The following ULK4 variants were observed in gnomAD, a reference collection of about 807,000 sequenced individuals.
ULK4 encodes the protein inactive serine/threonine-protein kinase ULK4.
In ULK4, 133 loss-of-function variants were observed where a neutral mutation model predicts 160.6. That is an observed-to-expected ratio of 0.83 (90% CI 0.72 to 0.96). The LOEUF is 0.96. Among genes scored for constraint, ULK4 ranks in the 40% least tolerant of loss-of-function variants. The pLI is 0.00. For synonymous variants in ULK4, 534 were observed against 539.8 expected (o/e 0.99, Z 0.15); for missense variants, 1,580 against 1,499.5 (o/e 1.05, Z -0.89).
At chr3:41,794,872 G>C (rs2040259098) in intron 20 of ULK4, among the ~76,000 whole-genome samples, 1 of 151,930 alleles carries the variant, frequency 6.6e-6, no homozygotes, top group South Asian at 2.1e-4. Context: ...GAAACAGCAA[G>C]GAGGAAAGGT....
chr3:41,453,887 T>C (rs1440347443), intron 34 of ULK4, among the ~76,000 whole-genome samples: 1 of 151,772 alleles, frequency 6.6e-6, no homozygotes, highest in East Asian at 1.9e-4. Context: ...GGGACATGGA[T>C]GAAGCTGGAA....
chr3:41,313,371 A>C (rs2080086822), intron 35 of ULK4, among the ~76,000 whole-genome samples: 1 of 152,198 alleles, frequency 6.6e-6, no homozygotes, highest in Non-Finnish European at 1.5e-5. Flanking sequence ...AAAAGTAATA[A>C]ATTTAGTGCT....
intron 34 of ULK4, among the ~76,000 whole-genome samples, chr3:41,443,375 C>G (rs575491878): frequency 6.6e-6 from 1 of 152,296 alleles, no homozygotes; most frequent in South Asian, 2.1e-4. Context: ...ACAGACTTAT[C>G]ACTAGGGGAC....
intron 21 of ULK4, among the ~76,000 whole-genome samples, chr3:41,761,711 T>C (rs2038991016): frequency 6.6e-6 from 1 of 152,126 alleles, no homozygotes; most frequent in Non-Finnish European, 1.5e-5. Flanking sequence ...AAGTTGATCA[T>C]ATAACAGATC....
chr3:41,441,766 T>C (rs1422191810), intron 34 of ULK4, among the ~76,000 whole-genome samples: 3 of 152,146 alleles, frequency 2.0e-5, no homozygotes, highest in Non-Finnish European at 4.4e-5. Context: ...TCATCTCTTC[T>C]ATCAATTATT....
At chr3:41,950,036 C>T (rs377065007) in intron 2 of ULK4, among the ~76,000 whole-genome samples, 22 of 151,782 alleles carry the variant, frequency 1.4e-4, no homozygotes, top group African/African-American at 4.3e-4. Context: ...ACACCTGGCA[C>T]GGTCTGATGA....
chr3:41,443,286 C>G (rs1028063672), intron 34 of ULK4, among the ~76,000 whole-genome samples: 2 of 152,208 alleles, frequency 1.3e-5, no homozygotes, highest in African/African-American at 4.8e-5. Flanking sequence ...CCCACATTAT[C>G]ATTTTTAATT....
intron 18 of ULK4, among the ~76,000 whole-genome samples, chr3:41,830,065 A>C (rs1395769926): frequency 1.3e-5 from 2 of 151,978 alleles, no homozygotes; most frequent in African/African-American, 4.8e-5. Flanking sequence ...CAAACACCGC[A>C]TGTTCTCACT....
At chr3:41,319,459 A>T (rs1343908117) in intron 35 of ULK4, among the ~76,000 whole-genome samples, 2 of 152,214 alleles carry the variant, frequency 1.3e-5, no homozygotes, top group Admixed American at 1.3e-4. Flanking sequence ...CAATTTCAAG[A>T]GTCCAGATCA....
At chr3:41,626,535 T>C (rs1198771438) in intron 30 of ULK4, among the ~76,000 whole-genome samples, 1 of 151,474 alleles carries the variant, frequency 6.6e-6, no homozygotes, top group Non-Finnish European at 1.5e-5. Context: ...ATTGCTTTTT[T>C]TTTTTTTTTT....
intron 17 of ULK4, among the ~76,000 whole-genome samples, chr3:41,842,667 C>T (rs769930652): frequency 5.3e-5 from 8 of 152,210 alleles, no homozygotes; most frequent in Non-Finnish European, 1.2e-4. Context: ...GTGGAAACAG[C>T]CTGAAGCCCT....
intron 12 of ULK4, among the ~76,000 whole-genome samples, chr3:41,906,429 T>C (rs1698564225): frequency 6.6e-6 from 1 of 152,060 alleles, no homozygotes; most frequent in South Asian, 2.1e-4. Flanking sequence ...CTTGGCAGAC[T>C]AAGGCAGGAC....
intron 35 of ULK4, among the ~76,000 whole-genome samples, chr3:41,313,456 A>AT (rs2080088569): frequency 6.6e-6 from 1 of 152,196 alleles, no homozygotes; most frequent in African/African-American, 2.4e-5. Flanking sequence ...GACTATTAAC[A>AT]TTCTTAAAGA....
intron 35 of ULK4, among the ~76,000 whole-genome samples, chr3:41,253,272 C>T (rs897190409): frequency 2.0e-5 from 3 of 151,820 alleles, no homozygotes; most frequent in South Asian, 2.1e-4. Flanking sequence ...TCTTTAAAAG[C>T]TGTTTAATAG....
At chr3:41,602,684 CA>C (rs1234363218) in intron 31 of ULK4, among the ~76,000 whole-genome samples, 3 of 152,066 alleles carry the variant, frequency 2.0e-5, no homozygotes, top group Non-Finnish European at 4.4e-5. Flanking sequence ...GAGCCATAAT[CA>C]TATAGTTTCA....
At chr3:41,518,542 A>G (rs1020453084) in intron 32 of ULK4, among the ~76,000 whole-genome samples, 62 of 152,254 alleles carry the variant, frequency 4.1e-4, no homozygotes, top group Non-Finnish European at 1.5e-4. Context: ...AAATGCCTCT[A>G]TAAAGTTTTA....
At chr3:41,931,748 A>G in intron 5 of ULK4, 96 bp downstream of exon 5, 1 of 1,419,810 alleles carries the variant, frequency 7.0e-7, no homozygotes, top group East Asian at 2.3e-5. Flanking sequence ...ATCTTATTTG[A>G]GTGGCAAAAC....
intron 29 of ULK4, among the ~76,000 whole-genome samples, chr3:41,677,977 C>G (rs949479098): frequency 6.6e-6 from 1 of 152,070 alleles, no homozygotes; most frequent in African/African-American, 2.4e-5. Context: ...GCCTGACTGC[C>G]TTGAACTGGG....
intron 35 of ULK4, among the ~76,000 whole-genome samples, chr3:41,290,057 G>T (rs1374315648): frequency 2.0e-5 from 3 of 151,970 alleles, no homozygotes; most frequent in African/African-American, 7.3e-5. Flanking sequence ...GTATTTTTAG[G>T]AGAGACGGAG....
Sources: allele counts gnomAD v4.1 joint callset (sites outside exome capture counted in the v4.1 genomes callset), GRCh38; gene constraint gnomAD v4.1.1; transcripts MANE v1.5; gene names NCBI Gene and HGNC (gene_info 2026-07-23, HGNC 2026-07-21).